Variants in CDH13 observed in about 807,000 individuals in gnomAD.
CDH13 encodes the protein cadherin 13.
A neutral mutation model predicts 63.8 loss-of-function variants in CDH13; 24 were observed. That is an observed-to-expected ratio of 0.38 (90% confidence interval 0.27 to 0.53). CDH13 has a LOEUF of 0.53. Ranked by LOEUF, CDH13 falls within the 20% of genes least tolerant of loss-of-function variation. The pLI is 0.85. For synonymous variants in CDH13, 503 were observed against 355.3 expected (o/e 1.42, Z -4.67); for missense variants, 1,049 against 903.1 (o/e 1.16, Z -2.07).
chr16:82,662,679 C>A (rs1001372351), intron 1 of CDH13, among the ~76,000 whole-genome samples: 2 of 152,214 alleles, frequency 1.3e-5, no homozygotes, highest in Admixed American at 6.5e-5. Context: ...GGACCTCTCA[C>A]TACTAATCTT....
chr16:83,555,268 C>G (rs969048261), intron 7 of CDH13, among the ~76,000 whole-genome samples: 10 of 152,000 alleles, frequency 6.6e-5, no homozygotes, highest in Non-Finnish European at 1.3e-4. Context: ...ATAGGGGTAT[C>G]TTAGAACCTT....
intron 2 of CDH13, among the ~76,000 whole-genome samples, chr16:83,021,421 C>T (rs1264868990): frequency 3.3e-5 from 5 of 152,144 alleles, no homozygotes; most frequent in Admixed American, 6.5e-5. Context: ...AAGGAATCCA[C>T]GGCAAGAGGA....
chr16:83,479,031 T>C (rs1456114466), intron 6 of CDH13, among the ~76,000 whole-genome samples: 1 of 152,172 alleles, frequency 6.6e-6, no homozygotes, highest in East Asian at 1.9e-4. Context: ...TCTGGATCCC[T>C]ATCAGGTTGG....
chr16:83,360,299 G>A (rs888138690), intron 6 of CDH13, among the ~76,000 whole-genome samples: 2 of 152,204 alleles, frequency 1.3e-5, no homozygotes, highest in African/African-American at 4.8e-5. Flanking sequence ...ATACATCTGT[G>A]TTCTGTGTAC....
At chr16:82,905,432 C>CGT (rs140795057) in intron 2 of CDH13, among the ~76,000 whole-genome samples, 11,368 of 143,524 alleles carry the variant, frequency 0.079, 461 homozygotes, top group Non-Finnish European at 0.083. Flanking sequence ...ATGAATCACA[C>CGT]GTGTGTGTGT....
chr16:83,719,344 G>C (rs1198754524), intron 10 of CDH13, among the ~76,000 whole-genome samples: 1 of 152,120 alleles, frequency 6.6e-6, no homozygotes, highest in Non-Finnish European at 1.5e-5. Flanking sequence ...AGTCATCCCA[G>C]CAACCCTGTG....
chr16:83,421,025 G>C (rs67921915), intron 6 of CDH13, among the ~76,000 whole-genome samples: 18,808 of 152,228 alleles, frequency 0.12, 1,570 homozygotes, highest in Non-Finnish European at 0.18. Flanking sequence ...CCCACAATGA[G>C]GGTGGGTCTT....
chr16:83,523,038 G>C (rs947854054), intron 7 of CDH13, among the ~76,000 whole-genome samples: 1 of 152,142 alleles, frequency 6.6e-6, no homozygotes, highest in Non-Finnish European at 1.5e-5. Flanking sequence ...CTGCTGAAAT[G>C]TCACTTCTCC....
At chr16:82,666,659 G>A (rs932670364) in intron 1 of CDH13, among the ~76,000 whole-genome samples, 1 of 152,156 alleles carries the variant, frequency 6.6e-6, no homozygotes, top group Non-Finnish European at 1.5e-5. Context: ...AACAACCATG[G>A]TAACTGAGGC....
intron 6 of CDH13, among the ~76,000 whole-genome samples, chr16:83,443,442 C>G (rs1004645662): frequency 6.6e-6 from 1 of 152,064 alleles, no homozygotes; most frequent in African/African-American, 2.4e-5. Context: ...ACATTTTTGA[C>G]CTAAATAGAA....
intron 3 of CDH13, among the ~76,000 whole-genome samples, chr16:83,039,824 C>T (rs1341516254): frequency 1.3e-5 from 2 of 152,156 alleles, no homozygotes; most frequent in East Asian, 3.9e-4. Flanking sequence ...ACTGGCTACT[C>T]CTCTGTCTGG....
chr16:83,230,431 C>T (rs183043088), intron 5 of CDH13, among the ~76,000 whole-genome samples: 1 of 152,104 alleles, frequency 6.6e-6, no homozygotes, highest in Non-Finnish European at 1.5e-5. Flanking sequence ...CTGTGTGTTC[C>T]CTGCCTGACC....
chr16:83,564,740 T>C (rs1342015484), intron 7 of CDH13, among the ~76,000 whole-genome samples: 3 of 151,982 alleles, frequency 2.0e-5, no homozygotes, highest in Non-Finnish European at 4.4e-5. Context: ...GACAAAAAGG[T>C]AAGAATAATG....
At chr16:82,947,954 T>C (rs1342194489) in intron 2 of CDH13, among the ~76,000 whole-genome samples, 1 of 152,214 alleles carries the variant, frequency 6.6e-6, no homozygotes, top group Admixed American at 6.5e-5. Context: ...ACTGGGCATT[T>C]ATTGTAATAG....
At chr16:83,405,935 C>T (rs2092036008) in intron 6 of CDH13, among the ~76,000 whole-genome samples, 1 of 152,178 alleles carries the variant, frequency 6.6e-6, no homozygotes, top group South Asian at 2.1e-4. Context: ...GAACAGGCAG[C>T]CAATGCGTTT....
intron 9 of CDH13, among the ~76,000 whole-genome samples, chr16:83,676,400 C>T (rs907059892): frequency 7.2e-5 from 11 of 152,160 alleles, no homozygotes; most frequent in African/African-American, 2.7e-4. Context: ...GTCGTCATGG[C>T]CCAGCAAGCC....
chr16:83,468,529 T>C (rs2073374881), intron 6 of CDH13, among the ~76,000 whole-genome samples: 1 of 152,104 alleles, frequency 6.6e-6, no homozygotes, highest in South Asian at 2.1e-4. Context: ...AGGAAATAGA[T>C]TTAGTGAGTG....
chr16:82,630,833 C>T (rs561066972), intron 1 of CDH13, among the ~76,000 whole-genome samples: 4 of 152,252 alleles, frequency 2.6e-5, no homozygotes, highest in East Asian at 1.9e-4. Flanking sequence ...TCTGTGTGCG[C>T]GTCTGAGTGA....
At chr16:82,950,038 TC>T (rs1408358643) in intron 2 of CDH13, among the ~76,000 whole-genome samples, 1 of 152,094 alleles carries the variant, frequency 6.6e-6, no homozygotes, top group Non-Finnish European at 1.5e-5. Context: ...TTGAGGTGTG[TC>T]TTAGTTCACT....
Sources: allele counts gnomAD v4.1 joint callset (sites outside exome capture counted in the v4.1 genomes callset), GRCh38; gene constraint gnomAD v4.1.1; transcripts MANE v1.5; gene names NCBI Gene and HGNC (gene_info 2026-07-23, HGNC 2026-07-21).